Variants in FHIT observed in about 807,000 individuals in gnomAD.
The protein encoded by FHIT is fragile histidine triad diadenosine triphosphatase.
Under a neutral mutation model 17.9 loss-of-function variants are expected in FHIT, and 19 were observed. The observed-to-expected ratio is 1.06, with a 90% CI of 0.74 to 1.56. FHIT has a LOEUF of 1.56. Ranked by LOEUF, FHIT falls within the 40% of genes most tolerant of loss-of-function variation. FHIT has a pLI of 0.00. For synonymous variants in FHIT, 81 were observed against 69.7 expected, an observed-to-expected ratio of 1.16 and a Z score of -0.81; for missense variants, 248 against 189.2, an observed-to-expected ratio of 1.31 and a Z score of -1.82.
chr3:60,927,149 G>T (rs926726848), intron 3 of FHIT, among the ~76,000 whole-genome samples: 29 of 152,176 alleles, frequency 1.9e-4, no homozygotes, highest in Admixed American at 3.9e-4. Flanking sequence ...GCAGGCGTGC[G>T]CTGCTAAGCC....
At chr3:60,454,783 A>G (rs1176364697) in intron 5 of FHIT, among the ~76,000 whole-genome samples, 1 of 152,172 alleles carries the variant, frequency 6.6e-6, no homozygotes, top group Non-Finnish European at 1.5e-5. Flanking sequence ...TCACTGTGCA[A>G]AAGTTGTTAC....
At chr3:60,368,208 A>G (rs1700189347) in intron 5 of FHIT, among the ~76,000 whole-genome samples, 1 of 151,412 alleles carries the variant, frequency 6.6e-6, no homozygotes, top group Non-Finnish European at 1.5e-5. Context: ...AAAAAAAAAA[A>G]AAAAGAAACT....
chr3:60,139,271 T>G (rs560629318), intron 5 of FHIT, among the ~76,000 whole-genome samples: 2 of 152,218 alleles, frequency 1.3e-5, no homozygotes, highest in East Asian at 3.9e-4. Flanking sequence ...TTCATCAGAT[T>G]TGCCATCCCA....
intron 5 of FHIT, among the ~76,000 whole-genome samples, chr3:60,390,675 A>C (rs1409310474): frequency 6.6e-6 from 1 of 152,064 alleles, no homozygotes; most frequent in Non-Finnish European, 1.5e-5. Flanking sequence ...GACCTGGCGC[A>C]CGCCTAGGCT....
intron 5 of FHIT, among the ~76,000 whole-genome samples, chr3:60,269,401 T>C (rs1706752851): frequency 1.3e-5 from 2 of 152,348 alleles, no homozygotes; most frequent in South Asian, 2.1e-4. Context: ...AGCTAAACTG[T>C]CCTGGATCAC....
intron 4 of FHIT, among the ~76,000 whole-genome samples, chr3:60,651,427 T>C (rs1374427038): frequency 1.3e-5 from 2 of 152,178 alleles, no homozygotes; most frequent in Non-Finnish European, 2.9e-5. Context: ...TCTTTATTAT[T>C]GAAAAATTTG....
chr3:59,903,670 A>C (rs560293675), intron 8 of FHIT, among the ~76,000 whole-genome samples: 9 of 152,306 alleles, frequency 5.9e-5, no homozygotes, highest in African/African-American at 2.2e-4. Context: ...TAGTTAGAAA[A>C]GCCCTCGAGA....
intron 3 of FHIT, among the ~76,000 whole-genome samples, chr3:60,927,156 AGC>A (rs1707667099): frequency 6.6e-6 from 1 of 152,120 alleles, no homozygotes; most frequent in Non-Finnish European, 1.5e-5. Flanking sequence ...TGCGCTGCTA[AGC>A]CTGACTGGTT....
intron 5 of FHIT, among the ~76,000 whole-genome samples, chr3:60,270,811 T>C (rs1395703493): frequency 6.6e-6 from 1 of 152,114 alleles, no homozygotes; most frequent in Non-Finnish European, 1.5e-5. Context: ...CAAAGAACCA[T>C]GGGGAGGAAC....
chr3:60,636,844 T>A (rs1288108282), intron 4 of FHIT, among the ~76,000 whole-genome samples: 2 of 152,182 alleles, frequency 1.3e-5, no homozygotes, highest in Non-Finnish European at 2.9e-5. Flanking sequence ...GAAAGGGACA[T>A]CCTGTGACCT....
chr3:60,652,802 C>A (rs946166116), intron 4 of FHIT, among the ~76,000 whole-genome samples: 1 of 149,988 alleles, frequency 6.7e-6, no homozygotes, highest in Non-Finnish European at 1.5e-5. Context: ...CCTAGCTACT[C>A]AGGAGGCTGA....
intron 7 of FHIT, among the ~76,000 whole-genome samples, chr3:59,969,245 C>T (rs930420850): frequency 6.6e-6 from 1 of 152,140 alleles, no homozygotes; most frequent in East Asian, 1.9e-4. Context: ...TTTCCTATGG[C>T]AATCTCCATT....
chr3:61,115,151 T>C (rs1272025104), intron 2 of FHIT, among the ~76,000 whole-genome samples: 1 of 152,138 alleles, frequency 6.6e-6, no homozygotes, highest in African/African-American at 2.4e-5. Flanking sequence ...GAAGACTTGA[T>C]TTTATGGAAT....
At chr3:60,316,387 T>C (rs1211306449) in intron 5 of FHIT, among the ~76,000 whole-genome samples, 2 of 152,202 alleles carry the variant, frequency 1.3e-5, no homozygotes, top group Non-Finnish European at 2.9e-5. Flanking sequence ...TGTTTATTGC[T>C]TGATAAACTT....
intron 6 of FHIT, 41 bp downstream of exon 6, chr3:60,013,966 A>G (rs774535251): frequency 5.6e-6 from 9 of 1,603,802 alleles, no homozygotes; most frequent in Non-Finnish European, 7.7e-6. Context: ...CCGGGATATG[A>G]AAGGGAAGAA....
intron 7 of FHIT, among the ~76,000 whole-genome samples, chr3:59,925,465 G>A (rs911756441): frequency 1.3e-5 from 2 of 152,106 alleles, no homozygotes; most frequent in Admixed American, 6.6e-5. Flanking sequence ...CTCTCCTTGC[G>A]TGGTCCTCAG....
intron 5 of FHIT, among the ~76,000 whole-genome samples, chr3:60,342,001 GA>G (rs1710540244): frequency 6.6e-6 from 1 of 151,774 alleles, no homozygotes; most frequent in South Asian, 2.1e-4. Context: ...AAAGAAAAAA[GA>G]AAAAAAACTC....
At chr3:60,662,348 G>C (rs892584908) in intron 4 of FHIT, among the ~76,000 whole-genome samples, 1 of 152,134 alleles carries the variant, frequency 6.6e-6, no homozygotes, top group African/African-American at 2.4e-5. Context: ...TTGGTTGGCT[G>C]TAAGTATTTG....
chr3:59,904,942 A>C (rs760616616), intron 8 of FHIT, among the ~76,000 whole-genome samples: 1 of 152,226 alleles, frequency 6.6e-6, no homozygotes, highest in South Asian at 2.1e-4. Flanking sequence ...TAGAAAACCA[A>C]TTAGGAAAGC....
Sources: gnomAD v4.1 joint callset for allele counts (sites outside exome capture counted in the v4.1 genomes callset) on GRCh38, gnomAD v4.1.1 for gene constraint, MANE v1.5 for transcripts, NCBI Gene and HGNC (gene_info 2026-07-23, HGNC 2026-07-21) for gene names.